The following SMG1 variants were observed in gnomAD, a reference collection of about 807,000 sequenced individuals.
The protein encoded by SMG1 is serine/threonine-protein kinase SMG1.
Under a neutral mutation model 419.9 loss-of-function variants are expected in SMG1, and 22 were observed. That is an observed-to-expected ratio of 0.05 (90% CI 0.04 to 0.07). The LOEUF (loss-of-function observed/expected upper bound fraction) is 0.07, where lower values mean the gene tolerates loss of function less well. Ranked by LOEUF, SMG1 falls within the 10% of genes least tolerant of loss-of-function variation. The pLI, the probability that SMG1 is intolerant of heterozygous loss-of-function variation, is 1.00. For synonymous variants in SMG1, 1,538 were observed against 1,553.5 expected (o/e 0.99, Z 0.23); for missense variants, 3,185 against 4,342.0 (o/e 0.73, Z 7.49).
At chr16:18,857,152 T>C (rs540964257) in intron 29 of SMG1, 7 of 152,352 alleles carry the variant, frequency 4.6e-5, no homozygotes, top group African/African-American at 1.7e-4. Context: ...CAGCTTCAAG[T>C]AACCACTCTG....
At chr16:18,815,139 T>C (rs1411199282) in intron 60 of SMG1, 36 bp downstream of exon 60, 42 of 1,321,896 alleles carry the variant, frequency 3.2e-5, no homozygotes, top group Non-Finnish European at 4.5e-5. Context: ...ATGTGTAACA[T>C]TAACAACAGA....
intron 13 of SMG1, chr16:18,875,898 A>T (rs1258386094): frequency 2.5e-5 from 14 of 554,008 alleles, no homozygotes; most frequent in East Asian, 1.5e-4. Context: ...AAACTAATAT[A>T]AAAAAACTTA....
Position 18,926,147 on chromosome 16 carries a change from G to T in SMG1, c.-106C>A. The T allele has an allele frequency of 9.9e-7, 1 of 1,007,904 alleles. No individual in the cohort carries two copies. Among genetic ancestry groups the T allele is most frequent in the Non-Finnish European group, 1.4e-6 (1 of 717,144 alleles). 62.4% of individuals were successfully genotyped at this position (1,007,904 alleles called of 1,614,324 possible). A position where few individuals can be genotyped will look rare whatever the true frequency, so the allele number is the denominator to read the frequency against. ...CCCGCTCCGGCCCGGGGCTGAGGAG[G>T]AAGCCGAGAAGGAGGAGGAGGAGGA... On this transcript the variant is annotated 5_prime_UTR_variant, in exon 1 of 63. Coordinates refer to ENST00000446231, the MANE Select transcript of SMG1 (RefSeq NM_015092.5).
chr16:18,819,933 TC>T (rs372302524), intron 55 of SMG1, among the ~76,000 whole-genome samples: 4 of 152,250 alleles, frequency 2.6e-5, no homozygotes, highest in African/African-American at 9.6e-5. Context: ...AATAAAATGA[TC>T]TTTAAAAAAT....
intron 3 of SMG1, among the ~76,000 whole-genome samples, chr16:18,892,636 G>A (rs35503851): frequency 6.6e-6 from 1 of 151,972 alleles, no homozygotes; most frequent in Non-Finnish European, 1.5e-5. Flanking sequence ...GGGAGGCTGA[G>A]GCAGGAGAAT....
intron 1 of SMG1, among the ~76,000 whole-genome samples, chr16:18,901,444 A>T (rs1474389818): frequency 6.6e-6 from 1 of 151,948 alleles, no homozygotes; most frequent in Non-Finnish European, 1.5e-5. Flanking sequence ...AATTTCCTGG[A>T]CTCAAGCAAT....
chr16:18,829,728 G>A lies in SMG1; in HGVS notation c.9161C>T (p.Thr3054Ile), dbSNP rs780628155. The change falls in exon 54 of 63, where the codon ACT (threonine) becomes ATT (isoleucine). Residue 3054 changes from threonine (T) to isoleucine (I), a missense_variant. By Grantham distance (89) the Thr-to-Ile change is moderately conservative (BLOSUM62 -1). Around this residue, in one of 27 missense-constraint regions of SMG1, gnomAD observed 737 missense variants for 846.6 expected, o/e 0.87. Transcript: ENST00000446231. ...GACAATCTGTACAGGCCCATTCACA[G>A]TATTCTGATCTTCAAGTGAACTTGA... ...SGSSSLEDQNTVNGPVQIVNV... is the reference protein window; with the variant it reads ...SGSSSLEDQNIVNGPVQIVNV... 2 of 1,604,322 alleles carry A rather than the reference G, an allele frequency of 1.2e-6. No individual in the cohort carries two copies. The highest frequency in any genetic ancestry group is 1.7e-6 in the Non-Finnish European group (2 of 1,173,502).
rs1261143699 is a variant in SMG1 at position 18,819,547 on chromosome 16, A to T, written c.9849T>A (p.Ala3283=). 1 of 1,607,900 alleles carries T rather than the reference A, an allele frequency of 6.2e-7. No homozygotes were observed. ...CTTTAAGGACAAGATTTCTTCTTTC[A>T]GCTATCGTTGCTTCAAAATCTTGTA... ...PVLQDFEATI[A]ERRNLVLKES... is the part of the protein sequence containing the mutation. Residue 3283 remains alanine, a synonymous_variant, in exon 56 of 63, where the codon GCT becomes GCA. Coordinates refer to ENST00000446231, the MANE Select transcript of SMG1 (RefSeq NM_015092.5).
At chr16:18,899,992 A>T in intron 1 of SMG1, 12 of 1,527,942 alleles carry the variant, frequency 7.9e-6, no homozygotes, top group Non-Finnish European at 9.6e-6. Context: ...CATACCTCAA[A>T]AATCGCATAC....
rs769606428 is a variant in SMG1, at chr16:18,872,562, A to T, written c.1953T>A (p.Ser651Arg). The change falls in exon 14 of 63, where the codon AGT (serine) becomes AGA (arginine). Residue 651 changes from serine to arginine, a missense_variant. Physicochemically the swap from Ser to Arg is moderately radical, Grantham distance 110 (BLOSUM62 -1). Coordinates refer to ENST00000446231, the MANE Select transcript of SMG1 (RefSeq NM_015092.5). ...LLSKNLMIVHSDLAVHFPAIQ... is the reference protein window; with the variant it reads ...LLSKNLMIVHRDLAVHFPAIQ... ...TGGCAGGGAAGTGAACAGCCAGGTC[A>T]CTGTGCACAATCATCAGATTCTTAC... 6 of 1,494,716 alleles carry T rather than the reference A, an allele frequency of 4.0e-6. No individual in the cohort carries two copies. Among genetic ancestry groups the T allele is most frequent in the Middle Eastern group, 2.3e-4 (1 of 4,262 alleles). The allele number at this position is 1,494,716 out of a possible 1,614,324, so 92.6% of individuals were successfully genotyped here. A position where few individuals can be genotyped will look rare whatever the true frequency, so the allele number is the denominator to read the frequency against.
At chr16:18,812,173 T>G in intron 60 of SMG1, 46 bp from the exon 61 acceptor site, 2 of 1,577,760 alleles carry the variant, frequency 1.3e-6, no homozygotes, top group Non-Finnish European at 1.7e-6. Context: ...AAACAGAACA[T>G]GGAGGGGGCA....
chr16:18,850,184 T>C, intron 34 of SMG1, 53 bp downstream of exon 34: 1 of 1,584,946 alleles, frequency 6.3e-7, no homozygotes. Context: ...CTACTTTTGT[T>C]TAATAAGAAA....
chr16:18,815,460 T>C lies in SMG1; in HGVS notation c.10494A>G (p.Glu3498=), dbSNP rs2031919263. The part of the protein sequence containing the change: ...MLQEITPTLK[E]LKTQSQSIYN... ...CTTACCTCTGACTTTGTGTTTTCAG[T>C]TCTTTCAAGGTGGGAGTGATTTCCT... is the stretch of plus-strand genomic sequence containing the variant. Residue 3498 remains glutamate (E), a synonymous_variant, in exon 59 of 63, where the codon GAA becomes GAG. Coordinates refer to ENST00000446231, the MANE Select transcript of SMG1 (RefSeq NM_015092.5). 6.2e-7 allele frequency: 1 copy of C among 1,614,032 alleles called. No individual in the cohort carries two copies. Among genetic ancestry groups the C allele is most frequent in the East Asian group, 2.2e-5 (1 of 44,878 alleles).
chr16:18,872,327 A>G lies in SMG1; in HGVS notation c.2040T>C (p.Ser680=), dbSNP rs1179621458. ...SHCTRHDHFI[S]SSLSSSSPSL... ...AAGGAGAGGAAGAACTGAGGCTACTAGAGATAAAGTGATCATGCCTGAAAG... is the reference window on the plus strand; with the variant it reads ...AAGGAGAGGAAGAACTGAGGCTACTGGAGATAAAGTGATCATGCCTGAAAG... The change falls in exon 15 of 63, where the codon TCT becomes TCC. Residue 680 remains serine, a synonymous_variant. Coordinates refer to ENST00000446231, the MANE Select transcript of SMG1 (RefSeq NM_015092.5). 2.5e-6 allele frequency: 4 copies of G among 1,580,494 alleles called. No homozygotes were observed. The highest frequency in any genetic ancestry group is 3.4e-6 in the Non-Finnish European group (4 of 1,168,018).
At chr16:18,894,087 A>G (rs2037008063) in intron 3 of SMG1, among the ~76,000 whole-genome samples, 2 of 151,116 alleles carry the variant, frequency 1.3e-5, no homozygotes, top group Admixed American at 6.6e-5. Flanking sequence ...ATAAATAAAT[A>G]AATAAATACA....
chr16:18,895,181 T>C (rs2037067410), intron 3 of SMG1, among the ~76,000 whole-genome samples: 1 of 152,174 alleles, frequency 6.6e-6, no homozygotes, highest in African/African-American at 2.4e-5. Context: ...AGAAATGCTA[T>C]CAGTGTATTT....
chr16:18,867,332 G>C (rs940547764), intron 22 of SMG1, among the ~76,000 whole-genome samples: 2 of 151,884 alleles, frequency 1.3e-5, no homozygotes, highest in Non-Finnish European at 2.9e-5. Flanking sequence ...TCAGGAGTTC[G>C]AGACCAGCCT....
Position 18,876,003 on chromosome 16 carries a change from T to C in SMG1, c.1890+121A>G, listed in dbSNP as rs995738215. On this transcript the variant is annotated intron_variant, in intron 13 of 62. Transcript: ENST00000446231. Reference sequence around the variant, plus strand: ...TATTTATCCAGGCATGTCTTAAATATGGCTGTTTGTTACACACAGTGATTC... The same window carrying C: ...TATTTATCCAGGCATGTCTTAAATACGGCTGTTTGTTACACACAGTGATTC... The C allele has an allele frequency of 6.5e-5, 67 of 1,037,042 alleles. 1 individual carries two copies. The highest frequency in any genetic ancestry group is 8.5e-5 in the Non-Finnish European group (59 of 691,152). The allele number at this position is 1,037,042 out of a possible 1,614,324, so 64.2% of individuals were successfully genotyped here. A position where few individuals can be genotyped will look rare whatever the true frequency, so the allele number is the denominator to read the frequency against.
Position 18,834,194 on chromosome 16 carries a change from A to C in SMG1, c.8565+10T>G, listed in dbSNP as rs2141244042. On this transcript the variant is annotated intron_variant, in intron 50 of 62. Coordinates refer to ENST00000446231, the MANE Select transcript of SMG1 (RefSeq NM_015092.5). ...TAAAACAAACTAATATTTAAAATAA[A>C]AGTGTTCACCTGAAGTGAGGTATAC... 6.5e-7 allele frequency: 1 copy of C among 1,538,956 alleles called. No individual in the cohort carries two copies.
Sources: allele counts gnomAD v4.1 joint callset (sites outside exome capture counted in the v4.1 genomes callset), GRCh38; gene constraint gnomAD v4.1.1; regional missense constraint gnomAD v4.1.1; transcripts MANE v1.5; gene names NCBI Gene and HGNC (gene_info 2026-07-23, HGNC 2026-07-21).